The following OR2L13 variants were observed in gnomAD, a reference collection of about 807,000 sequenced individuals.
OR2L13 encodes olfactory receptor family 2 subfamily L member 13.
A neutral mutation model predicts 15.3 loss-of-function variants in OR2L13; 14 were observed. That is an observed-to-expected ratio of 0.91 (90% confidence interval 0.60 to 1.43). The LOEUF (loss-of-function observed/expected upper bound fraction) is 1.43. OR2L13 is among the 40% of genes most tolerant of loss of function. The pLI, the probability that OR2L13 is intolerant of heterozygous loss-of-function variation, is 0.00. For synonymous variants in OR2L13, 152 were observed against 142.9 expected (o/e 1.06, Z -0.45); for missense variants, 367 against 387.9 (o/e 0.95, Z 0.45).
At chr1:248,083,509 T>C in the OR2L13 span, 1 of 779,072 alleles carries the variant, frequency 1.3e-6, no homozygotes, top group Non-Finnish European at 2.1e-6. Flanking sequence ...CACTTCATTC[T>C]TAAAAATATC....
the OR2L13 span, among the ~76,000 whole-genome samples, chr1:247,994,581 G>A: frequency 6.6e-6 from 1 of 152,290 alleles, no homozygotes; most frequent in East Asian, 1.9e-4. Flanking sequence ...GATAGAAACA[G>A]AGAGTAAAAT....
At chr1:248,064,124 T>A in the OR2L13 span, among the ~76,000 whole-genome samples, 1 of 152,142 alleles carries the variant, frequency 6.6e-6, no homozygotes, top group African/African-American at 2.4e-5. Context: ...GGTGGGATTG[T>A]GAGATGGTCT....
At chr1:247,961,563 A>G in the OR2L13 span, among the ~76,000 whole-genome samples, 1 of 152,176 alleles carries the variant, frequency 6.6e-6, no homozygotes, top group Non-Finnish European at 1.5e-5. Flanking sequence ...TCCGGTTCAG[A>G]TGGACCATGG....
the OR2L13 span, chr1:248,023,083 C>A: frequency 4.0e-6 from 2 of 494,564 alleles, no homozygotes; most frequent in East Asian, 3.4e-5. Context: ...TTCTTTTTAT[C>A]AAAAGACAGA....
At chr1:248,005,042 G>A in the OR2L13 span, among the ~76,000 whole-genome samples, 44 of 152,280 alleles carry the variant, frequency 2.9e-4, no homozygotes, top group African/African-American at 1.0e-3. Flanking sequence ...GGGTGATAAA[G>A]TGGGGATGGT....
the OR2L13 span, chr1:247,949,854 G>A: frequency 5.9e-6 from 8 of 1,365,060 alleles, no homozygotes; most frequent in Non-Finnish European, 8.0e-6. Context: ...GCAGTGTATA[G>A]TAATTAAAAT....
At chr1:248,045,208 A>G in the OR2L13 span, among the ~76,000 whole-genome samples, 1 of 152,352 alleles carries the variant, frequency 6.6e-6, no homozygotes, top group South Asian at 2.1e-4. Flanking sequence ...GAACACAGAC[A>G]TTTAAAAATG....
the OR2L13 span, among the ~76,000 whole-genome samples, chr1:248,018,214 C>CATAAT: frequency 2.6e-5 from 4 of 151,766 alleles, no homozygotes; most frequent in African/African-American, 9.7e-5. Context: ...TCAGTTGCAA[C>CATAAT]ATGACAATAA....
the OR2L13 span, among the ~76,000 whole-genome samples, chr1:247,948,630 A>C: frequency 6.6e-5 from 10 of 152,296 alleles, no homozygotes; most frequent in Non-Finnish European, 1.3e-4. Flanking sequence ...TAATTGTTCT[A>C]TTTTATTATC....
At chr1:248,036,406 T>G in the OR2L13 span, among the ~76,000 whole-genome samples, 3 of 152,218 alleles carry the variant, frequency 2.0e-5, no homozygotes, top group African/African-American at 7.2e-5. Context: ...TTATAACATA[T>G]CATAGACATC....
chr1:248,072,613 C>T, the OR2L13 span, among the ~76,000 whole-genome samples: 1 of 151,938 alleles, frequency 6.6e-6, no homozygotes, highest in African/African-American at 2.4e-5. Flanking sequence ...CAGCAAAAGC[C>T]AAAATTGACA....
At chr1:248,097,612 C>A (rs1664766113) in intron 1 of OR2L13, among the ~76,000 whole-genome samples, 1 of 152,132 alleles carries the variant, frequency 6.6e-6, no homozygotes, top group Non-Finnish European at 1.5e-5. Flanking sequence ...CTTTATAATA[C>A]TCTGAGCTAT....
the OR2L13 span, among the ~76,000 whole-genome samples, chr1:247,986,007 T>C: frequency 6.6e-6 from 1 of 152,332 alleles, no homozygotes; most frequent in African/African-American, 2.4e-5. Flanking sequence ...TTCTGGATAT[T>C]AGCCCTTTGT....
chr1:248,039,420 G>T, the OR2L13 span: 7 of 361,430 alleles, frequency 1.9e-5, no homozygotes, highest in African/African-American at 1.5e-4. Flanking sequence ...GTTTTTGTTT[G>T]TTTGTTTGTT....
the OR2L13 span, chr1:247,939,183 T>G: frequency 7.9e-5 from 12 of 152,188 alleles, no homozygotes; most frequent in African/African-American, 2.4e-4. Flanking sequence ...AGTAAACAAA[T>G]TGAAACTTAT....
the OR2L13 span, among the ~76,000 whole-genome samples, chr1:247,940,524 T>C: frequency 6.6e-6 from 1 of 152,178 alleles, no homozygotes; most frequent in African/African-American, 2.4e-5. Flanking sequence ...CTTCTATAAT[T>C]GGAAACTTTA....
the OR2L13 span, among the ~76,000 whole-genome samples, chr1:248,073,214 T>G: frequency 1.3e-5 from 2 of 151,894 alleles, no homozygotes; most frequent in African/African-American, 4.8e-5. Flanking sequence ...TAGCAAAGAC[T>G]TGCAACCAAC....
At chr1:248,009,838 C>T in the OR2L13 span, among the ~76,000 whole-genome samples, 7 of 152,232 alleles carry the variant, frequency 4.6e-5, no homozygotes, top group Admixed American at 4.6e-4. Flanking sequence ...TGGATTCACC[C>T]CTGGAATGCA....
chr1:248,033,329 A>G, the OR2L13 span, among the ~76,000 whole-genome samples: 1 of 152,214 alleles, frequency 6.6e-6, no homozygotes, highest in Non-Finnish European at 1.5e-5. Flanking sequence ...CGTTTGTTGA[A>G]AAGACTGTCC....
Sources: allele counts gnomAD v4.1 joint callset (sites outside exome capture counted in the v4.1 genomes callset), GRCh38; gene constraint gnomAD v4.1.1; transcripts MANE v1.5; gene names NCBI Gene and HGNC (gene_info 2026-07-23, HGNC 2026-07-21).